MEI1: variants seen among roughly 807,000 people sequenced by gnomAD.
The protein encoded by MEI1 is meiosis inhibitor protein 1.
Under a neutral mutation model 146.2 loss-of-function variants are expected in MEI1, and 103 were observed. The observed-to-expected ratio is 0.70, with a 90% confidence interval of 0.60 to 0.83. MEI1 has a LOEUF of 0.83. Among genes scored for constraint, MEI1 ranks in the 40% least tolerant of loss-of-function variants. MEI1 has a pLI of 0.00. For synonymous variants in MEI1, 652 were observed against 628.2 expected, an observed-to-expected ratio of 1.04 and a Z score of -0.57; for missense variants, 1,529 against 1,533.0, an observed-to-expected ratio of 1.00 and a Z score of 0.04.
intron 3 of MEI1, chr22:41,709,533 T>C (rs1405578172): frequency 1.1e-5 from 6 of 565,394 alleles, no homozygotes; most frequent in Admixed American, 2.2e-5. Flanking sequence ...GTGCGCGGGA[T>C]GCAGCGGCAC....
chr22:41,758,106 A>G (rs995908778), intron 17 of MEI1, among the ~76,000 whole-genome samples: 1 of 152,208 alleles, frequency 6.6e-6, no homozygotes, highest in Non-Finnish European at 1.5e-5. Context: ...AGACTCTGTC[A>G]AAAGAAAAAC....
At chr22:41,744,381 C>G (rs1482815298) in intron 12 of MEI1, among the ~76,000 whole-genome samples, 1 of 151,848 alleles carries the variant, frequency 6.6e-6, no homozygotes, top group African/African-American at 2.4e-5. Flanking sequence ...ACTATGTTAG[C>G]CAGGATGGCT....
intron 2 of MEI1, among the ~76,000 whole-genome samples, chr22:41,704,845 G>A (rs2068965043): frequency 6.6e-6 from 1 of 152,128 alleles, no homozygotes; most frequent in Non-Finnish European, 1.5e-5. Context: ...TTCCCGAGTA[G>A]CTGGGACTAC....
At chr22:41,707,160 G>A (rs532743734) in intron 3 of MEI1, among the ~76,000 whole-genome samples, 1 of 152,104 alleles carries the variant, frequency 6.6e-6, no homozygotes. Flanking sequence ...CTGAGATCGC[G>A]CCACTGCACT....
chr22:41,731,655 G>C (rs945908252), intron 9 of MEI1, among the ~76,000 whole-genome samples: 4 of 152,162 alleles, frequency 2.6e-5, no homozygotes, highest in African/African-American at 9.7e-5. Context: ...CACTGTCTGG[G>C]ACTTATTATA....
At chr22:41,784,925 T>TTTTATTTTATTTATTTA (rs2075902245) in intron 26 of MEI1, 142 bp downstream of exon 26, 3 of 327,112 alleles carry the variant, frequency 9.2e-6, no homozygotes, top group African/African-American at 7.0e-5. Context: ...ATTATTTTTA[T>TTTTATTTTATTTATTTA]TTTATTTATT....
intron 3 of MEI1, among the ~76,000 whole-genome samples, chr22:41,712,875 C>G (rs974224867): frequency 2.8e-5 from 4 of 142,666 alleles, no homozygotes; most frequent in Non-Finnish European, 6.0e-5. Flanking sequence ...GTGGCGTGAT[C>G]TCGGCTCACT....
At chr22:41,724,216 G>T in intron 7 of MEI1, 143 bp downstream of exon 7, 13 of 1,076,390 alleles carry the variant, frequency 1.2e-5, no homozygotes, top group Non-Finnish European at 1.7e-5. Flanking sequence ...GCTGGGGGCG[G>T]TGGCTCATGT....
intron 19 of MEI1, among the ~76,000 whole-genome samples, chr22:41,770,413 G>T (rs1271660261): frequency 6.6e-6 from 1 of 151,858 alleles, no homozygotes; most frequent in Non-Finnish European, 1.5e-5. Flanking sequence ...CTCCCTACTA[G>T]ATCCCAATAG....
chr22:41,755,896 C>G (rs1282923351), intron 17 of MEI1, among the ~76,000 whole-genome samples: 3 of 152,102 alleles, frequency 2.0e-5, no homozygotes, highest in Non-Finnish European at 4.4e-5. Flanking sequence ...TTGCCCAGGA[C>G]TTGGCCCTGG....
intron 30 of MEI1, among the ~76,000 whole-genome samples, chr22:41,798,115 CAACACACACA>C (rs1255074552): frequency 2.2e-4 from 24 of 111,350 alleles, no homozygotes; most frequent in African/African-American, 8.4e-4. Flanking sequence ...ATCCTCAGCC[CAACACACACA>C]CACACACACA....
chr22:41,780,377 G>A (rs1485370790), intron 22 of MEI1, among the ~76,000 whole-genome samples: 3 of 152,092 alleles, frequency 2.0e-5, no homozygotes, highest in Non-Finnish European at 2.9e-5. Flanking sequence ...GAATGGAGCT[G>A]TAGGTAGGTT....
chr22:41,770,193 C>G (rs1195522599), intron 19 of MEI1, among the ~76,000 whole-genome samples: 1 of 152,014 alleles, frequency 6.6e-6, no homozygotes, highest in African/African-American at 2.4e-5. Flanking sequence ...GTGCCAGGCC[C>G]TATGCTAAGT....
At chr22:41,727,623 CT>C (rs1569191434) in intron 7 of MEI1, among the ~76,000 whole-genome samples, 1 of 151,944 alleles carries the variant, frequency 6.6e-6, no homozygotes, top group African/African-American at 2.4e-5. Flanking sequence ...AAGACTACCC[CT>C]AGGTTTGATG....
At chr22:41,732,893 G>T (rs2071988719) in intron 11 of MEI1, among the ~76,000 whole-genome samples, 1 of 149,362 alleles carries the variant, frequency 6.7e-6, no homozygotes, top group Admixed American at 6.8e-5. Context: ...TGATTCTCCT[G>T]CCTCAGCCTC....
rs536130029 is a variant in MEI1, at chr22:41,725,598, T to C, written c.864+1525T>C. 5.9e-5 allele frequency among the ~76,000 whole-genome samples: 9 copies of C among 152,340 alleles called. No homozygotes were observed. The East Asian group carries it at 1.7e-3, about 29-fold the overall frequency. On this transcript the variant is annotated intron_variant, in intron 7 of 30. Coordinates refer to ENST00000401548, the MANE Select transcript of MEI1 (RefSeq NM_152513.4). ...CTGTCTCTTCCACCCCACAACCCAGTGCTCCAGCCACATGCAGTCTTTCCC... is the reference window on the plus strand; with the variant it reads ...CTGTCTCTTCCACCCCACAACCCAGCGCTCCAGCCACATGCAGTCTTTCCC...
At chr22:41,748,293 A>C (rs1337283873) in intron 15 of MEI1, 75 bp downstream of exon 15, 2 of 973,916 alleles carry the variant, frequency 2.1e-6, no homozygotes, top group African/African-American at 1.6e-5. Flanking sequence ...ATTCAAAGAG[A>C]GGATAAGTTG....
chr22:41,764,080 C>T (rs2074689025), intron 19 of MEI1, among the ~76,000 whole-genome samples: 2 of 151,922 alleles, frequency 1.3e-5, no homozygotes, highest in South Asian at 2.1e-4. Context: ...CCTGCCTCAG[C>T]CTCCTGAATA....
At chr22:41,705,641 GTC>G in intron 3 of MEI1, 87 bp downstream of exon 3, 1 of 1,155,644 alleles carries the variant, frequency 8.7e-7, no homozygotes, top group Non-Finnish European at 1.3e-6. Context: ...TGGCGAAATT[GTC>G]TGTTTAGACA....
Sources: gnomAD v4.1 joint callset for allele counts (sites outside exome capture counted in the v4.1 genomes callset) on GRCh38, gnomAD v4.1.1 for gene constraint, MANE v1.5 for transcripts, NCBI Gene and HGNC (gene_info 2026-07-23, HGNC 2026-07-21) for gene names.